Variants in FAM120A observed in about 807,000 individuals in gnomAD.
The protein encoded by FAM120A is family with sequence similarity 120 member A, also known as constitutive coactivator of PPAR-gamma-like protein 1.
A neutral mutation model predicts 109.7 loss-of-function variants in FAM120A; 15 were observed. The observed-to-expected ratio is 0.14, with a 90% CI of 0.09 to 0.21. FAM120A has a LOEUF of 0.21. Ranked by LOEUF, FAM120A falls within the 10% of genes least tolerant of loss-of-function variation. The pLI is 1.00. For missense variants in FAM120A, 899 were observed against 1,439.3 expected (o/e 0.62, Z 6.07); for synonymous variants, 493 against 572.8 (o/e 0.86, Z 1.99).
At position 93,452,480 on chromosome 9, in the gene FAM120A, C is replaced by A. The variant is rs1415107936; in HGVS notation, c.474+91C>A. 1 of 1,544,014 alleles carries A rather than the reference C, an allele frequency of 6.5e-7. No individual in the cohort carries two copies. Among genetic ancestry groups the A allele is most frequent in the Non-Finnish European group, 8.7e-7 (1 of 1,148,952 alleles). On this transcript the variant is annotated intron_variant, in intron 1 of 17. Coordinates refer to ENST00000277165, the MANE Select transcript of FAM120A (RefSeq NM_014612.5). This position sits in a 1 kb window ranked among gnomAD's most constrained non-coding sequence, Gnocchi z 7.0. ...GGCGCAGAATGTCGCCCGGCCGTGG[C>A]GGCGCTGGGGGCAGCGAGTTCCCCC...
intron 3 of FAM120A, among the ~76,000 whole-genome samples, chr9:93,496,487 C>T (rs981845514): frequency 2.0e-5 from 3 of 152,212 alleles, no homozygotes; most frequent in Admixed American, 6.5e-5. Flanking sequence ...ACATTCCTTT[C>T]CTTGTATGTT....
chr9:93,493,429 A>G (rs980891005), intron 3 of FAM120A, among the ~76,000 whole-genome samples: 2 of 152,158 alleles, frequency 1.3e-5, no homozygotes, highest in Non-Finnish European at 2.9e-5. Context: ...ATAATTTTGG[A>G]GGGCCCAAAG....
intron 14 of FAM120A, 149 bp from the exon 15 acceptor site, chr9:93,558,431 TG>T: frequency 1.0e-6 from 1 of 968,584 alleles, no homozygotes; most frequent in Non-Finnish European, 1.5e-6. Context: ...CCAGGGACCA[TG>T]GGCACAGGAC....
chr9:93,555,356 A>G (rs1029563973), intron 12 of FAM120A, among the ~76,000 whole-genome samples: 1 of 152,244 alleles, frequency 6.6e-6, no homozygotes, highest in Admixed American at 6.5e-5. Flanking sequence ...GTGTTAGTTG[A>G]TAATAGGAAC....
chr9:93,460,571 G>A (rs779733148), intron 1 of FAM120A, among the ~76,000 whole-genome samples: 19 of 152,084 alleles, frequency 1.2e-4, no homozygotes, highest in Non-Finnish European at 2.4e-4. Flanking sequence ...TCCTGACCTC[G>A]TGATCCACCC....
At chr9:93,538,001 T>C (rs1274023734) in intron 10 of FAM120A, among the ~76,000 whole-genome samples, 1 of 152,078 alleles carries the variant, frequency 6.6e-6, no homozygotes, top group Non-Finnish European at 1.5e-5. Context: ...GTGATATTAC[T>C]CTTTTGGATT....
chr9:93,468,243 T>C (rs1389963613), intron 1 of FAM120A, among the ~76,000 whole-genome samples: 1 of 152,222 alleles, frequency 6.6e-6, no homozygotes, highest in Non-Finnish European at 1.5e-5. Context: ...GACTGTATCT[T>C]ACTAGTTTTA....
chr9:93,498,693 T>G lies in FAM120A; in HGVS notation c.934-97T>G. ...AAAATTCTTCTCTAACTTGAAAAGC[T>G]GTAGAATATTATACATGTGCTGAAT... is the stretch of plus-strand genomic sequence containing the variant. On this transcript the variant is annotated intron_variant, in intron 4 of 17. Coordinates refer to ENST00000277165, the MANE Select transcript of FAM120A (RefSeq NM_014612.5). The surrounding 1 kb of genome is among the most constrained non-coding windows in gnomAD (Gnocchi z 4.4). 1.3e-6 allele frequency: 1 copy of G among 775,734 alleles called. No homozygotes were observed. The highest frequency in any genetic ancestry group is 2.3e-6 in the Non-Finnish European group (1 of 439,012). 48.1% of individuals were successfully genotyped at this position (775,734 alleles called of 1,614,324 possible).
chr9:93,539,002 G>GT (rs142352504), intron 10 of FAM120A, among the ~76,000 whole-genome samples: 54,526 of 144,646 alleles, frequency 0.38, 10,961 homozygotes, highest in South Asian at 0.66. Context: ...CCCTAGAGTT[G>GT]TTTTTTTTTT....
At chr9:93,472,133 G>A (rs1170330577) in intron 2 of FAM120A, among the ~76,000 whole-genome samples, 1 of 151,962 alleles carries the variant, frequency 6.6e-6, no homozygotes, top group Non-Finnish European at 1.5e-5. Flanking sequence ...GGTGGTGGGC[G>A]CCTATAATCC....
Position 93,452,272 on chromosome 9 carries a change from A to G in FAM120A, c.357A>G (p.Ala119=), listed in dbSNP as rs1312929576. 6.2e-7 allele frequency: 1 copy of G among 1,612,456 alleles called. No individual in the cohort carries two copies. Among genetic ancestry groups the G allele is most frequent in the Non-Finnish European group, 8.5e-7 (1 of 1,179,806 alleles). Residue 119 remains alanine, a synonymous_variant, in exon 1 of 18, where the codon GCA becomes GCG. Transcript: ENST00000277165. This position sits in a 1 kb window ranked among gnomAD's most constrained non-coding sequence, Gnocchi z 7.0. ...VKRQGNERQT[A]QQIVSHVQNK... ...GGCAGGGCAACGAGCGCCAGACGGC[A>G]CAGCAGATCGTCAGCCATGTCCAGA... is the stretch of plus-strand genomic sequence containing the variant.
chr9:93,557,132 T>TTC (rs1303759687), intron 13 of FAM120A, among the ~76,000 whole-genome samples: 9 of 148,868 alleles, frequency 6.0e-5, no homozygotes, highest in Non-Finnish European at 1.0e-4. Flanking sequence ...TTTTGGTTTT[T>TTC]TTTTTTTTTT....
chr9:93,544,417 C>T (rs1861810916), intron 11 of FAM120A, among the ~76,000 whole-genome samples: 1 of 152,162 alleles, frequency 6.6e-6, no homozygotes, highest in African/African-American at 2.4e-5. Context: ...TGTCTGTGCC[C>T]TCACAGCCCA....
rs371724177 is a variant in FAM120A, at chr9:93,540,521, G to A, written c.1910-2701G>A. ...ACAGTTCCGAGCCCTTCTAGGACTC[G>A]GAGCAGCCTTTGGCTGGAGTATTGC... On this transcript the variant is annotated intron_variant, in intron 10 of 17. Coordinates refer to ENST00000277165, the MANE Select transcript of FAM120A (RefSeq NM_014612.5). 7.2e-5 allele frequency among the ~76,000 whole-genome samples: 11 copies of A among 152,284 alleles called. No individual in the cohort carries two copies. In the South Asian group the frequency reaches 1.0e-3, roughly 14 times the overall value.
rs564843858 is a variant in FAM120A, at chr9:93,482,574, C to T, written c.804+6236C>T. Among the ~76,000 whole-genome samples, 52 of 152,240 alleles carry T rather than the reference C, an allele frequency of 3.4e-4. 2 individuals carry two copies. Among genetic ancestry groups the T allele is most frequent in the African/African-American group, 1.2e-3 (51 of 41,526 alleles). On this transcript the variant is annotated intron_variant, in intron 3 of 17. Coordinates refer to ENST00000277165, the MANE Select transcript of FAM120A (RefSeq NM_014612.5). ...TTCAACCAGAAGTCATTGAGTGGTA[C>T]TTTTAAAACATGTCCTTTAGGGCCA...
intron 11 of FAM120A, among the ~76,000 whole-genome samples, chr9:93,549,446 C>T (rs1862017755): frequency 6.6e-6 from 1 of 152,208 alleles, no homozygotes; most frequent in African/African-American, 2.4e-5. Flanking sequence ...AGCACGTAAA[C>T]TTTCTACTTT....
chr9:93,543,161 T>C, intron 10 of FAM120A, 61 bp from the exon 11 acceptor site: 1 of 1,570,286 alleles, frequency 6.4e-7, no homozygotes. Flanking sequence ...TTGTTTTTGT[T>C]AAGACTGAAA....
At chr9:93,524,999 A>G (rs1264124820) in intron 7 of FAM120A, among the ~76,000 whole-genome samples, 1 of 152,108 alleles carries the variant, frequency 6.6e-6, no homozygotes, top group Non-Finnish European at 1.5e-5. Flanking sequence ...GTATTCTAAA[A>G]TGTTATCCAT....
At chr9:93,466,257 T>C (rs1226553350) in intron 1 of FAM120A, among the ~76,000 whole-genome samples, 1 of 152,034 alleles carries the variant, frequency 6.6e-6, no homozygotes. Flanking sequence ...GTAGGGAAAA[T>C]GTGTCTCTTC....
Sources: allele counts gnomAD v4.1 joint callset (sites outside exome capture counted in the v4.1 genomes callset), GRCh38; gene constraint gnomAD v4.1.1; non-coding constraint Gnocchi (gnomAD v3.1); transcripts MANE v1.5; gene names NCBI Gene and HGNC (gene_info 2026-07-23, HGNC 2026-07-21).